The following MAMLD1 variants were observed in gnomAD, a reference collection of about 807,000 sequenced individuals.
MAMLD1 encodes mastermind-like domain-containing protein 1.
In MAMLD1, 14 loss-of-function variants were observed where a neutral mutation model predicts 45.0. That is an observed-to-expected ratio of 0.31 (90% CI 0.21 to 0.49). The LOEUF is 0.49. MAMLD1 is among the 20% of genes least tolerant of loss of function. The pLI, the probability that MAMLD1 is intolerant of heterozygous loss-of-function variation, is 0.99. For missense variants in MAMLD1, 543 were observed against 603.6 expected, an observed-to-expected ratio of 0.90 and a Z score of 1.05; for synonymous variants, 254 against 247.8, an observed-to-expected ratio of 1.02 and a Z score of -0.24.
At chrX:150,377,069 C>T (rs781913059) in intron 1 of MAMLD1, among the ~76,000 whole-genome samples, 2 of 113,204 alleles carry the variant, frequency 1.8e-5, no homozygotes, top group African/African-American at 6.4e-5. Flanking sequence ...GCGCCCCACT[C>T]ATTCCCGAAC....
chrX:150,406,945 G>A (rs1557402698), intron 1 of MAMLD1, among the ~76,000 whole-genome samples: 4 of 110,958 alleles, frequency 3.6e-5, no homozygotes, highest in African/African-American at 1.3e-4. Flanking sequence ...TACAGGCGAC[G>A]GCTGTGTCCT....
chrX:150,366,266 G>A (rs1481385841), intron 1 of MAMLD1, among the ~76,000 whole-genome samples: 3 of 111,793 alleles, frequency 2.7e-5, no homozygotes, highest in Non-Finnish European at 5.6e-5. Flanking sequence ...CATCTCTGGA[G>A]GTTATTGATA....
chrX:150,467,637 C>T (rs2036264625), intron 3 of MAMLD1, among the ~76,000 whole-genome samples: 1 of 112,744 alleles, frequency 8.9e-6, no homozygotes, highest in South Asian at 3.6e-4. Flanking sequence ...AGTCCTCTCA[C>T]TCAAGTTGGC....
chrX:150,502,652 C>T (rs1266700340), intron 5 of MAMLD1, among the ~76,000 whole-genome samples: 7 of 111,872 alleles, frequency 6.3e-5, no homozygotes, highest in Admixed American at 4.7e-4. Flanking sequence ...ATCTTGGGGC[C>T]CTAGTGGGGT....
intron 4 of MAMLD1, among the ~76,000 whole-genome samples, 162 bp from the exon 5 acceptor site, chrX:150,473,518 A>G (rs782243531): frequency 9.8e-5 from 11 of 112,101 alleles, no homozygotes; most frequent in African/African-American, 3.6e-4. Flanking sequence ...GCTTGACACC[A>G]GGGAGTTGGT....
At chrX:150,511,525 C>T (rs2037898305) in intron 7 of MAMLD1, among the ~76,000 whole-genome samples, 1 of 112,086 alleles carries the variant, frequency 8.9e-6, no homozygotes, top group Admixed American at 9.4e-5. Context: ...CTTGCTGTCC[C>T]AGGTCACATC....
intron 1 of MAMLD1, among the ~76,000 whole-genome samples, chrX:150,365,429 G>C (rs1276050159): frequency 1.8e-5 from 2 of 113,044 alleles, no homozygotes; most frequent in African/African-American, 3.2e-5. Context: ...CTGCGAGCTG[G>C]CGGGCGCGCG....
intron 1 of MAMLD1, among the ~76,000 whole-genome samples, chrX:150,403,945 A>AAAG (rs2033902394): frequency 2.0e-5 from 1 of 49,660 alleles, no homozygotes; most frequent in African/African-American, 8.4e-5. Flanking sequence ...GAAAGAAAAG[A>AAAG]AAGAAAGAAA....
intron 5 of MAMLD1, among the ~76,000 whole-genome samples, chrX:150,497,283 CTTTTTTTTTT>C (rs782269885): frequency 2.3e-5 from 2 of 85,246 alleles, no homozygotes; most frequent in Non-Finnish European, 4.6e-5. Flanking sequence ...TCTTTTTTTT[CTTTTTTTTTT>C]TTTTTTTTGA....
intron 1 of MAMLD1, among the ~76,000 whole-genome samples, chrX:150,424,063 T>A (rs964003591): frequency 8.9e-6 from 1 of 112,631 alleles, no homozygotes; most frequent in South Asian, 3.7e-4. Flanking sequence ...CGTTTCTTGA[T>A]GTCCCCAAGT....
At chrX:150,373,589 G>A (rs1204514020) in intron 1 of MAMLD1, among the ~76,000 whole-genome samples, 2 of 111,628 alleles carry the variant, frequency 1.8e-5, no homozygotes, top group South Asian at 3.7e-4. Flanking sequence ...TTCTGCATAC[G>A]GCTGGGGACA....
chrX:150,403,511 G>C, intron 1 of MAMLD1, among the ~76,000 whole-genome samples: 1 of 111,678 alleles, frequency 9.0e-6, no homozygotes, highest in Admixed American at 9.5e-5. Context: ...TCATATTTTT[G>C]TACTCAGTTT....
intron 1 of MAMLD1, among the ~76,000 whole-genome samples, chrX:150,398,316 AG>A (rs2033565125): frequency 3.1e-5 from 3 of 98,321 alleles, no homozygotes; most frequent in Non-Finnish European, 6.3e-5. Context: ...AAGAAGAAGA[AG>A]AAGAAGAAGA....
chrX:150,404,273 G>T (rs1557402609), intron 1 of MAMLD1, among the ~76,000 whole-genome samples: 10 of 112,173 alleles, frequency 8.9e-5, no homozygotes, highest in African/African-American at 3.2e-4. Flanking sequence ...TATCACAAAT[G>T]ATTGTTATTT....
intron 5 of MAMLD1, among the ~76,000 whole-genome samples, chrX:150,502,363 G>T (rs2037583519): frequency 8.9e-6 from 1 of 112,240 alleles, no homozygotes; most frequent in Non-Finnish European, 1.9e-5. Flanking sequence ...CCTTCATGTA[G>T]AAAGAAGAGC....
At chrX:150,429,283 G>C (rs1465226519) in intron 1 of MAMLD1, among the ~76,000 whole-genome samples, 1 of 110,307 alleles carries the variant, frequency 9.1e-6, no homozygotes, top group Admixed American at 9.6e-5. Context: ...AGAAATATTT[G>C]GGTGGGAATT....
At chrX:150,404,957 G>A (rs1478276743) in intron 1 of MAMLD1, among the ~76,000 whole-genome samples, 1 of 111,789 alleles carries the variant, frequency 8.9e-6, no homozygotes, top group South Asian at 3.8e-4. Flanking sequence ...TCTGGTTTGG[G>A]GTGACTACAA....
At chrX:150,453,630 C>T (rs782318661) in intron 2 of MAMLD1, among the ~76,000 whole-genome samples, 2 of 112,020 alleles carry the variant, frequency 1.8e-5, no homozygotes, top group East Asian at 5.6e-4. Flanking sequence ...CCAATCCTTC[C>T]TCTGCTTAAG....
At chrX:150,454,869 C>A (rs1312451006) in intron 2 of MAMLD1, among the ~76,000 whole-genome samples, 1 of 110,865 alleles carries the variant, frequency 9.0e-6, no homozygotes, top group Non-Finnish European at 1.9e-5. Context: ...ACCACATCCA[C>A]CACCATTACC....
Sources: allele counts gnomAD v4.1 joint callset (sites outside exome capture counted in the v4.1 genomes callset), GRCh38; gene constraint gnomAD v4.1.1; transcripts MANE v1.5; gene names NCBI Gene and HGNC (gene_info 2026-07-23, HGNC 2026-07-21).